The following LAMC1 variants were observed in gnomAD, a reference collection of about 807,000 sequenced individuals.
LAMC1 encodes laminin subunit gamma 1, also known as laminin subunit gamma-1.
A neutral mutation model predicts 173.6 loss-of-function variants in LAMC1; 38 were observed. The observed-to-expected ratio is 0.22, with a 90% CI of 0.17 to 0.29. The LOEUF (loss-of-function observed/expected upper bound fraction) is 0.29, where lower values mean the gene tolerates loss of function less well. Ranked by LOEUF, LAMC1 falls within the 10% of genes least tolerant of loss-of-function variation. The probability of loss-of-function intolerance (pLI) is 1.00; values close to 1 mark genes in which losing one functional copy is unlikely to be tolerated. For synonymous variants in LAMC1, 746 were observed against 749.1 expected, an observed-to-expected ratio of 1.00 and a Z score of 0.07; for missense variants, 1,824 against 2,051.8, an observed-to-expected ratio of 0.89 and a Z score of 2.14.
chr1:183,053,688 C>T (rs1334627680), intron 1 of LAMC1, among the ~76,000 whole-genome samples: 3 of 151,792 alleles, frequency 2.0e-5, no homozygotes, highest in African/African-American at 7.3e-5. Flanking sequence ...TGCAGTGGCA[C>T]GAACTTGGCT....
At chr1:183,121,598 C>A (rs751980921) in intron 11 of LAMC1, 125 bp from the exon 12 acceptor site, 17 of 705,704 alleles carry the variant, frequency 2.4e-5, no homozygotes, top group Non-Finnish European at 3.5e-5. Context: ...GTATCAGAGC[C>A]CAGTTAAGCA....
intron 2 of LAMC1, among the ~76,000 whole-genome samples, chr1:183,103,895 T>A (rs1655901597): frequency 6.6e-6 from 1 of 152,200 alleles, no homozygotes; most frequent in Non-Finnish European, 1.5e-5. Context: ...ACACATTTTT[T>A]AAAAAGTCAA....
At chr1:183,026,787 T>A (rs912571088) in intron 1 of LAMC1, among the ~76,000 whole-genome samples, 11 of 152,242 alleles carry the variant, frequency 7.2e-5, no homozygotes. Context: ...AAATAAGCAG[T>A]CAAATCATAC....
At chr1:183,046,656 A>G (rs903365581) in intron 1 of LAMC1, among the ~76,000 whole-genome samples, 1 of 151,996 alleles carries the variant, frequency 6.6e-6, no homozygotes, top group Non-Finnish European at 1.5e-5. Flanking sequence ...GTGTGTGTTG[A>G]CCTTATAACC....
At chr1:183,113,569 A>G (rs1656227113) in intron 4 of LAMC1, among the ~76,000 whole-genome samples, 1 of 152,172 alleles carries the variant, frequency 6.6e-6, no homozygotes, top group Non-Finnish European at 1.5e-5. Flanking sequence ...GTCTTGAAAT[A>G]TGGTTGTGCC....
intron 1 of LAMC1, among the ~76,000 whole-genome samples, chr1:183,058,499 T>G (rs1207707583): frequency 6.6e-6 from 1 of 152,196 alleles, no homozygotes; most frequent in Non-Finnish European, 1.5e-5. Flanking sequence ...CTCACTGAAA[T>G]GAAGAATGAT....
chr1:183,061,583 T>TTTAA (rs1172873346), intron 1 of LAMC1, among the ~76,000 whole-genome samples: 1 of 152,216 alleles, frequency 6.6e-6, no homozygotes, highest in Non-Finnish European at 1.5e-5. Context: ...GCTTATATCT[T>TTTAA]TTAAGTTTTA....
chr1:183,122,802 G>A (rs900171403), intron 13 of LAMC1, among the ~76,000 whole-genome samples: 3 of 152,132 alleles, frequency 2.0e-5, no homozygotes, highest in Non-Finnish European at 4.4e-5. Flanking sequence ...TCTCTATGGG[G>A]TTCTCTGGAT....
At chr1:183,077,798 A>ATATATATATATAT (rs1655158477) in intron 1 of LAMC1, among the ~76,000 whole-genome samples, 1 of 133,528 alleles carries the variant, frequency 7.5e-6, no homozygotes. Context: ...ATATATATAC[A>ATATATATATATAT]GTAGCACAGT....
At chr1:183,138,493 TG>T (rs1657012813) in intron 26 of LAMC1, 1 of 152,200 alleles carries the variant, frequency 6.6e-6, no homozygotes, top group Admixed American at 6.5e-5. Flanking sequence ...CACGAACTTG[TG>T]GTTACTTGCT....
intron 1 of LAMC1, among the ~76,000 whole-genome samples, chr1:183,089,228 A>G (rs897649654): frequency 6.6e-6 from 1 of 152,240 alleles, no homozygotes; most frequent in Non-Finnish European, 1.5e-5. Flanking sequence ...TGCATGTGAA[A>G]TACTCCCATG....
intron 9 of LAMC1, 43 bp from the exon 10 acceptor site, chr1:183,117,491 T>C: frequency 6.2e-7 from 1 of 1,611,756 alleles, no homozygotes. Flanking sequence ...CTCTGTTTAG[T>C]CTCAGTCTCA....
intron 14 of LAMC1, 80 bp downstream of exon 14, chr1:183,124,956 T>G: frequency 6.6e-7 from 1 of 1,521,336 alleles, no homozygotes; most frequent in Non-Finnish European, 8.9e-7. Flanking sequence ...TTAAAATATG[T>G]ATAGTTGTTT....
Position 183,142,531 on chromosome 1 carries a change from C to T in LAMC1, c.4574-3C>T. On this transcript the variant is annotated splice_polypyrimidine_tract_variant and splice_region_variant and intron_variant, in intron 27 of 27. Transcript: ENST00000258341. ...CTCTTCTATGTACTTTCTGACCCTCCAGGGCAGCTGGATACAGTGGACCTG... is the reference window on the plus strand; with the variant it reads ...CTCTTCTATGTACTTTCTGACCCTCTAGGGCAGCTGGATACAGTGGACCTG... The T allele has an allele frequency of 6.2e-7, 1 of 1,606,616 alleles. No homozygotes were observed. Among genetic ancestry groups the T allele is most frequent in the Non-Finnish European group, 8.5e-7 (1 of 1,176,870 alleles).
At chr1:183,079,206 C>CATA (rs1655197175) in intron 1 of LAMC1, among the ~76,000 whole-genome samples, 1 of 131,376 alleles carries the variant, frequency 7.6e-6, no homozygotes, top group Non-Finnish European at 1.6e-5. Context: ...CTCTGCTTAT[C>CATA]AAGCAACTTT....
intron 1 of LAMC1, among the ~76,000 whole-genome samples, chr1:183,041,276 T>G (rs1171505840): frequency 6.6e-6 from 1 of 152,218 alleles, no homozygotes; most frequent in Non-Finnish European, 1.5e-5. Flanking sequence ...TCAGTCATGG[T>G]AAACTGTTCA....
chr1:183,044,150 T>G (rs548151270), intron 1 of LAMC1, among the ~76,000 whole-genome samples: 1 of 152,286 alleles, frequency 6.6e-6, no homozygotes, highest in Admixed American at 6.5e-5. Context: ...TCTAAAAGAT[T>G]ACAGTCTCCT....
intron 1 of LAMC1, among the ~76,000 whole-genome samples, chr1:183,043,297 AG>A (rs986515535): frequency 3.3e-5 from 5 of 152,196 alleles, no homozygotes; most frequent in Non-Finnish European, 7.3e-5. Flanking sequence ...GACTGATGAA[AG>A]GCTATCATAG....
chr1:183,141,494 T>G lies in LAMC1; in HGVS notation c.4573+991T>G, dbSNP rs950935683. Among the ~76,000 whole-genome samples the G allele has an allele frequency of 4.7e-4, 72 of 152,210 alleles. 1 individual carries two copies. The highest frequency in any genetic ancestry group is 1.7e-3 in the African/African-American group (71 of 41,458). ...TCTTTTAATCCAGTTTGATAGGGTG[T>G]TAGGGAGCAGGCTTCATTTTAGGAC... On this transcript the variant is annotated intron_variant, in intron 27 of 27. Transcript: ENST00000258341.
Sources: allele counts gnomAD v4.1 joint callset (sites outside exome capture counted in the v4.1 genomes callset), GRCh38; gene constraint gnomAD v4.1.1; transcripts MANE v1.5; gene names NCBI Gene and HGNC (gene_info 2026-07-23, HGNC 2026-07-21).